The following AGAP1 variants were observed in gnomAD, a reference collection of about 807,000 sequenced individuals.
AGAP1 encodes arf-GAP with GTPase, ANK repeat and PH domain-containing protein 1.
A neutral mutation model predicts 105.3 loss-of-function variants in AGAP1; 29 were observed. That is an observed-to-expected ratio of 0.28 (90% CI 0.21 to 0.38). The LOEUF is 0.38. AGAP1 is among the 10% of genes least tolerant of loss of function. AGAP1 has a pLI of 1.00. For missense variants in AGAP1, 998 were observed against 1,165.1 expected (o/e 0.86, Z 2.09); for synonymous variants, 509 against 485.9 (o/e 1.05, Z -0.63).
At chr2:235,572,218 C>T (rs902267418) in intron 1 of AGAP1, among the ~76,000 whole-genome samples, 6 of 151,506 alleles carry the variant, frequency 4.0e-5, no homozygotes, top group East Asian at 2.0e-4. Context: ...GATTGCGTGC[C>T]GTGCCCTGTG....
intron 13 of AGAP1, among the ~76,000 whole-genome samples, chr2:235,978,477 A>T (rs1244098663): frequency 6.6e-6 from 1 of 152,082 alleles, no homozygotes; most frequent in Non-Finnish European, 1.5e-5. Flanking sequence ...CTTGTGCGCT[A>T]CCTCATTGCA....
At position 236,114,941 on chromosome 2, in the gene AGAP1, C is replaced by G. The variant is rs188935178; in HGVS notation, c.2115-5251C>G. On this transcript the variant is annotated intron_variant, in intron 16 of 17. Transcript: ENST00000304032. The surrounding 1 kb of genome is among the most constrained non-coding windows in gnomAD (Gnocchi z 5.0). ...TTTAAACCAGCCAGACTCCTTCTTA[C>G]CCCAGAGTCTCAGGATCCTCTGCAC... 2.6e-5 allele frequency among the ~76,000 whole-genome samples: 4 copies of G among 152,176 alleles called. No homozygotes were observed. Among genetic ancestry groups the G allele is most frequent in the African/African-American group, 9.7e-5 (4 of 41,450 alleles).
chr2:235,776,106 A>G (rs1303915474), intron 6 of AGAP1, among the ~76,000 whole-genome samples: 1 of 152,074 alleles, frequency 6.6e-6, no homozygotes, highest in Non-Finnish European at 1.5e-5. Flanking sequence ...CTCCCTCTTA[A>G]GAACTGATTT....
chr2:236,079,983 G>A (rs2058739848), intron 16 of AGAP1, among the ~76,000 whole-genome samples: 1 of 152,238 alleles, frequency 6.6e-6, no homozygotes, highest in African/African-American at 2.4e-5. Flanking sequence ...GTTATTCACA[G>A]CAATAGCAGT....
rs1203783009 is a variant in AGAP1 at position 236,046,812 on chromosome 2, G to A, written c.1892-2247G>A. 1.3e-5 allele frequency among the ~76,000 whole-genome samples: 2 copies of A among 152,156 alleles called. No homozygotes were observed. Among genetic ancestry groups the A allele is most frequent in the Non-Finnish European group, 2.9e-5 (2 of 68,034 alleles). ...ACCAGGAAAGTGGGGAAAAAATCCA[G>A]AGAGGTCGTTGACCAAAAAGGTATC... On this transcript the variant is annotated intron_variant, in intron 15 of 17. Coordinates refer to ENST00000304032, the MANE Select transcript of AGAP1 (RefSeq NM_001037131.3). This position sits in a 1 kb window ranked among gnomAD's most constrained non-coding sequence, Gnocchi z 5.2.
At chr2:235,852,403 G>T (rs576516043) in intron 9 of AGAP1, among the ~76,000 whole-genome samples, 3 of 152,234 alleles carry the variant, frequency 2.0e-5, no homozygotes, top group Admixed American at 6.5e-5. Context: ...GGTGGAAAGG[G>T]GGGGGAACCC....
rs2059007080 is a variant in AGAP1, at chr2:236,089,458, A to C, written c.2115-30734A>C. On this transcript the variant is annotated intron_variant, in intron 16 of 17. Coordinates refer to ENST00000304032, the MANE Select transcript of AGAP1 (RefSeq NM_001037131.3). This position sits in a 1 kb window ranked among gnomAD's most constrained non-coding sequence, Gnocchi z 5.6. ...TAAAGCGCCTACTAGGCTGCCGGGT[A>C]CTGGCAGAAGAGAGTGAGCGTAGCA... Among the ~76,000 whole-genome samples the C allele has an allele frequency of 6.6e-6, 1 of 152,248 alleles. No homozygotes were observed. The highest frequency in any genetic ancestry group is 1.5e-5 in the Non-Finnish European group (1 of 68,052).
rs1357606896 is a variant in AGAP1, at chr2:236,062,578, C to G, written c.2114+13297C>G. On this transcript the variant is annotated intron_variant, in intron 16 of 17. Coordinates refer to ENST00000304032, the MANE Select transcript of AGAP1 (RefSeq NM_001037131.3). This position sits in a 1 kb window ranked among gnomAD's most constrained non-coding sequence, Gnocchi z 4.2. ...GCAACCCCAGACTCCCAGGCTCAAG[C>G]AATCCTACCTAGTCAGCCTCCCAAG... is the stretch of plus-strand genomic sequence containing the variant. Among the ~76,000 whole-genome samples the G allele has an allele frequency of 6.6e-6, 1 of 152,162 alleles. No individual in the cohort carries two copies. Among genetic ancestry groups the G allele is most frequent in the Non-Finnish European group, 1.5e-5 (1 of 68,036 alleles).
rs911020896 is a variant in AGAP1, at chr2:235,712,790, T to C, written c.222+3553T>C. Among the ~76,000 whole-genome samples the C allele has an allele frequency of 6.6e-6, 1 of 152,224 alleles. No homozygotes were observed. Among genetic ancestry groups the C allele is most frequent in the African/African-American group, 2.4e-5 (1 of 41,462 alleles). ...TTTCAAGACACCTCATTCCTCCTCA[T>C]GTAGCTCTTTGGCTCGCTCTGGATT... is the stretch of plus-strand genomic sequence containing the variant. On this transcript the variant is annotated intron_variant, in intron 2 of 17. Coordinates refer to ENST00000304032, the MANE Select transcript of AGAP1 (RefSeq NM_001037131.3). The surrounding 1 kb of genome is among the most constrained non-coding windows in gnomAD (Gnocchi z 6.0).
At chr2:235,562,883 C>T (rs1944208751) in intron 1 of AGAP1, among the ~76,000 whole-genome samples, 1 of 151,960 alleles carries the variant, frequency 6.6e-6, no homozygotes, top group African/African-American at 2.4e-5. Flanking sequence ...ATGGGGAGAT[C>T]CCCATCTCTT....
intron 1 of AGAP1, among the ~76,000 whole-genome samples, chr2:235,521,516 A>G (rs1942612444): frequency 6.6e-6 from 1 of 152,188 alleles, no homozygotes; most frequent in Non-Finnish European, 1.5e-5. Context: ...AAATATAAGC[A>G]AATACATGCG....
rs116752698 is a variant in AGAP1 at position 235,736,138 on chromosome 2, G to C, written c.311-4825G>C. Among the ~76,000 whole-genome samples, 3,830 of 151,638 alleles carry C rather than the reference G, an allele frequency of 0.025. 159 individuals are homozygous for C. Among genetic ancestry groups the C allele is most frequent in the African/African-American group, 0.085 (3,529 of 41,338 alleles). On this transcript the variant is annotated intron_variant, in intron 3 of 17. Coordinates refer to ENST00000304032, the MANE Select transcript of AGAP1 (RefSeq NM_001037131.3). This position sits in a 1 kb window ranked among gnomAD's most constrained non-coding sequence, Gnocchi z 5.5. ...TGCGGTCACAGCTGCCCAGCGACCT[G>C]GTTCCACCTTAGGGTCAGGCAGCTG...
In AGAP1 at chr2:235,494,723, A is replaced by G. The variant is rs1941232727; in HGVS notation, c.37A>G (p.Ile13Val). 1 of 1,560,332 alleles carries G rather than the reference A, an allele frequency of 6.4e-7. No homozygotes were observed. Among genetic ancestry groups the G allele is most frequent in the Non-Finnish European group, 8.7e-7 (1 of 1,153,234 alleles). ...YQQQLANSAA[I>V]RAEIQRFESV... Reference sequence around the variant, plus strand: ...GCAGCAGCTGGCCAACTCGGCTGCCATCCGGGCCGAGATCCAGCGCTTCGA... The same window carrying G: ...GCAGCAGCTGGCCAACTCGGCTGCCGTCCGGGCCGAGATCCAGCGCTTCGA... The change falls in exon 1 of 18, where the codon ATC (isoleucine) becomes GTC (valine). Residue 13 changes from isoleucine (I) to valine (V), a missense_variant. Transcript: ENST00000304032.
chr2:235,526,137 T>A (rs1942828922), intron 1 of AGAP1, among the ~76,000 whole-genome samples: 2 of 117,506 alleles, frequency 1.7e-5, no homozygotes, highest in Non-Finnish European at 3.5e-5. Context: ...GAGGACTGAT[T>A]TATAAAGTAG....
rs111992425 is a variant in AGAP1, at chr2:236,104,421, A to G, written c.2115-15771A>G. 2.6e-5 allele frequency among the ~76,000 whole-genome samples: 4 copies of G among 152,236 alleles called. No homozygotes were observed. The highest frequency in any genetic ancestry group is 1.9e-4 in the East Asian group (1 of 5,184). On this transcript the variant is annotated intron_variant, in intron 16 of 17. Transcript: ENST00000304032. The surrounding 1 kb of genome is among the most constrained non-coding windows in gnomAD (Gnocchi z 4.7). ...TGCAGCCTCATCAAATGACTCCCCA[A>G]CAGGGGTGGATCCTGCCCCTCGACC... is the stretch of plus-strand genomic sequence containing the variant.
Position 235,751,022 on chromosome 2 carries a change from T to C in AGAP1, c.673+534T>C, listed in dbSNP as rs1953386721. 1.3e-5 allele frequency among the ~76,000 whole-genome samples: 2 copies of C among 152,168 alleles called. No homozygotes were observed. Among genetic ancestry groups the C allele is most frequent in the African/African-American group, 4.8e-5 (2 of 41,438 alleles). ...GCCTTTTGGAATTGTTTTTAGGTTATTTTATTCATTATTGATCACCTACCT... is the reference window on the plus strand; with the variant it reads ...GCCTTTTGGAATTGTTTTTAGGTTACTTTATTCATTATTGATCACCTACCT... On this transcript the variant is annotated intron_variant, in intron 6 of 17. Coordinates refer to ENST00000304032, the MANE Select transcript of AGAP1 (RefSeq NM_001037131.3). The surrounding 1 kb of genome is among the most constrained non-coding windows in gnomAD (Gnocchi z 5.3).
Position 235,549,987 on chromosome 2 carries a change from T to C in AGAP1, c.163+55138T>C, listed in dbSNP as rs879652150. On this transcript the variant is annotated intron_variant, in intron 1 of 17. Transcript: ENST00000304032. This position sits in a 1 kb window ranked among gnomAD's most constrained non-coding sequence, Gnocchi z 4.2. ...CCACCTGGGCCTTGGGCCTTGGCTCTGGTAGTCTCACATAACTCTTTGGTG... is the reference window on the plus strand; with the variant it reads ...CCACCTGGGCCTTGGGCCTTGGCTCCGGTAGTCTCACATAACTCTTTGGTG... Among the ~76,000 whole-genome samples, 2 of 152,234 alleles carry C rather than the reference T, an allele frequency of 1.3e-5. No homozygotes were observed. The highest frequency in any genetic ancestry group is 2.9e-5 in the Non-Finnish European group (2 of 68,052).
rs3207206 is a variant in AGAP1 at position 235,968,562 on chromosome 2, G to A, written c.1584G>A (p.Lys528=). ...PPPSPHANRK[K]HRRKKSTSNF... is the part of the protein sequence containing the mutation. ...CCTCCCCTCACGCCAACAGAAAGAA[G>A]CACCGAAGGAAGAAAAGCACTAGCA... is the stretch of plus-strand genomic sequence containing the variant. The change falls in exon 13 of 18, where the codon AAG becomes AAA. Residue 528 remains lysine (K), a synonymous_variant. Transcript: ENST00000304032. 2.5e-6 allele frequency: 4 copies of A among 1,572,690 alleles called. No homozygotes were observed. In the East Asian group the frequency reaches 7.2e-5, roughly 28 times the overall value.
At chr2:236,049,539 C>G in intron 16 of AGAP1, 1 of 394,086 alleles carries the variant, frequency 2.5e-6, no homozygotes, top group Non-Finnish European at 4.6e-6. Flanking sequence ...TATTAAGCTT[C>G]TAACCTTATG....
Sources: allele counts gnomAD v4.1 joint callset (sites outside exome capture counted in the v4.1 genomes callset), GRCh38; gene constraint gnomAD v4.1.1; non-coding constraint Gnocchi (gnomAD v3.1); transcripts MANE v1.5; gene names NCBI Gene and HGNC (gene_info 2026-07-23, HGNC 2026-07-21).